Variants in DCC observed in about 807,000 individuals in gnomAD.
DCC encodes the protein netrin receptor DCC.
DCC carries 58 observed loss-of-function variants against 172.5 expected under a neutral mutation model. That is an observed-to-expected ratio of 0.34 (90% CI 0.27 to 0.42). DCC has a LOEUF of 0.42. DCC is among the 10% of genes least tolerant of loss of function. DCC has a pLI of 1.00. For synonymous variants in DCC, 709 were observed against 644.5 expected, an observed-to-expected ratio of 1.10 and a Z score of -1.52; for missense variants, 1,740 against 1,791.0, an observed-to-expected ratio of 0.97 and a Z score of 0.51.
intron 15 of DCC, among the ~76,000 whole-genome samples, chr18:53,360,577 C>T (rs772069925): frequency 1.3e-5 from 2 of 152,038 alleles, no homozygotes; most frequent in Admixed American, 1.3e-4. Flanking sequence ...AAATAGCATG[C>T]TATAAATCAT....
chr18:53,455,148 G>A (rs1008593945), intron 23 of DCC, among the ~76,000 whole-genome samples: 4 of 152,074 alleles, frequency 2.6e-5, no homozygotes, highest in Non-Finnish European at 4.4e-5. Context: ...CCTTCCTGAA[G>A]ACTTCCCCCA....
intron 1 of DCC, among the ~76,000 whole-genome samples, chr18:52,438,555 AT>A (rs1987870332): frequency 6.6e-6 from 1 of 152,250 alleles, no homozygotes; most frequent in Non-Finnish European, 1.5e-5. Flanking sequence ...AAGTTTTAAA[AT>A]TATGTGAAAG....
At chr18:53,143,898 A>T (rs911833883) in intron 7 of DCC, among the ~76,000 whole-genome samples, 1 of 152,220 alleles carries the variant, frequency 6.6e-6, no homozygotes, top group Admixed American at 6.5e-5. Context: ...ACAAATTTTC[A>T]CACTTTGAAG....
intron 7 of DCC, among the ~76,000 whole-genome samples, chr18:53,154,366 A>G (rs559026765): frequency 6.6e-6 from 1 of 152,288 alleles, no homozygotes; most frequent in South Asian, 2.1e-4. Flanking sequence ...CCTCTTCTGA[A>G]GCCTTGTTTA....
At chr18:52,990,354 A>G (rs963124673) in intron 5 of DCC, among the ~76,000 whole-genome samples, 1 of 152,024 alleles carries the variant, frequency 6.6e-6, no homozygotes, top group Non-Finnish European at 1.5e-5. Context: ...CAGCCTGACC[A>G]ACATGCAGAA....
intron 5 of DCC, among the ~76,000 whole-genome samples, chr18:52,982,852 T>C (rs2041233085): frequency 6.6e-6 from 1 of 152,200 alleles, no homozygotes; most frequent in Admixed American, 6.5e-5. Context: ...GAACCACAAA[T>C]GTCAAACATG....
At chr18:53,020,858 A>T (rs2041870250) in intron 5 of DCC, among the ~76,000 whole-genome samples, 1 of 152,156 alleles carries the variant, frequency 6.6e-6, no homozygotes, top group African/African-American at 2.4e-5. Flanking sequence ...AACAAGAGAG[A>T]GTGCAGAGCC....
At chr18:52,914,556 C>T (rs1470062286) in intron 3 of DCC, among the ~76,000 whole-genome samples, 2 of 152,058 alleles carry the variant, frequency 1.3e-5, no homozygotes, top group African/African-American at 4.8e-5. Flanking sequence ...AGCTCCTTGG[C>T]TTACAGCCAG....
chr18:53,205,515 C>T (rs2144550403), intron 10 of DCC, 151 bp downstream of exon 10: 2 of 792,414 alleles, frequency 2.5e-6, no homozygotes, highest in East Asian at 2.6e-5. Context: ...AGTTTTAAAG[C>T]ACTTGTTATT....
intron 7 of DCC, among the ~76,000 whole-genome samples, chr18:53,084,246 A>G (rs2042847503): frequency 6.6e-6 from 1 of 152,248 alleles, no homozygotes; most frequent in African/African-American, 2.4e-5. Context: ...TTGCAAAGCC[A>G]CCAGCCTTAC....
intron 15 of DCC, among the ~76,000 whole-genome samples, chr18:53,355,474 TG>T (rs1186012675): frequency 6.6e-6 from 1 of 152,216 alleles, no homozygotes; most frequent in Non-Finnish European, 1.5e-5. Context: ...TAGTTCTCCT[TG>T]AAGAGGTCCT....
intron 1 of DCC, among the ~76,000 whole-genome samples, chr18:52,674,537 T>C (rs78309310): frequency 0.038 from 5,818 of 152,242 alleles, 139 homozygotes; most frequent in Middle Eastern, 0.12. Flanking sequence ...CTCAACTAGA[T>C]ATCTGAAAAT....
At chr18:52,515,457 A>G (rs56049680) in intron 1 of DCC, among the ~76,000 whole-genome samples, 45,598 of 150,108 alleles carry the variant, frequency 0.3, 7,073 homozygotes, top group Middle Eastern at 0.32. Flanking sequence ...AATACAAAAA[A>G]TTATCCGGGT....
At chr18:52,809,635 G>T (rs555337262) in intron 2 of DCC, among the ~76,000 whole-genome samples, 2 of 152,306 alleles carry the variant, frequency 1.3e-5, no homozygotes, top group African/African-American at 4.8e-5. Flanking sequence ...GAAATCAGCA[G>T]TGGGTCTGTG....
chr18:52,896,513 TG>T (rs2039732606), intron 2 of DCC, among the ~76,000 whole-genome samples: 1 of 152,182 alleles, frequency 6.6e-6, no homozygotes, highest in African/African-American at 2.4e-5. Flanking sequence ...CATACATAAA[TG>T]GCATTGATGT....
intron 13 of DCC, among the ~76,000 whole-genome samples, chr18:53,309,053 T>G (rs2057234618): frequency 1.3e-5 from 2 of 152,130 alleles, no homozygotes; most frequent in Admixed American, 6.5e-5. Flanking sequence ...GTTTTGTTTT[T>G]TTGAGACAGG....
intron 7 of DCC, among the ~76,000 whole-genome samples, chr18:53,092,740 C>T (rs898184358): frequency 6.6e-6 from 1 of 152,124 alleles, no homozygotes; most frequent in African/African-American, 2.4e-5. Flanking sequence ...CATCAGTCTA[C>T]TTGTCCATCT....
intron 5 of DCC, among the ~76,000 whole-genome samples, chr18:53,008,881 C>G (rs751053960): frequency 5.9e-5 from 9 of 151,946 alleles, no homozygotes; most frequent in Non-Finnish European, 1.0e-4. Context: ...TCAATAATGT[C>G]AGAATCACTA....
At chr18:52,632,814 C>G (rs2034701828) in intron 1 of DCC, among the ~76,000 whole-genome samples, 1 of 152,186 alleles carries the variant, frequency 6.6e-6, no homozygotes, top group Admixed American at 6.5e-5. Flanking sequence ...CTAAAAGCAT[C>G]TGATTGATTG....
Sources: allele counts gnomAD v4.1 joint callset (sites outside exome capture counted in the v4.1 genomes callset), GRCh38; gene constraint gnomAD v4.1.1; transcripts MANE v1.5; gene names NCBI Gene and HGNC (gene_info 2026-07-23, HGNC 2026-07-21).